ZC3HAV1: variants seen among roughly 807,000 people sequenced by gnomAD.
The protein encoded by ZC3HAV1 is zinc finger CCCH-type containing, antiviral 1.
Under a neutral mutation model 86.6 loss-of-function variants are expected in ZC3HAV1, and 41 were observed. The ratio of observed to expected loss-of-function variants is 0.47; its 90% CI spans 0.37 to 0.61. ZC3HAV1 has a LOEUF of 0.61. Among genes scored for constraint, ZC3HAV1 ranks in the 20% least tolerant of loss-of-function variants. The pLI is 0.00. For missense variants in ZC3HAV1, 964 were observed against 1,141.1 expected (o/e 0.84, Z 2.24); for synonymous variants, 421 against 432.1 (o/e 0.97, Z 0.32).
At position 139,046,943 on chromosome 7, in the gene ZC3HAV1, T is replaced by A. The variant is rs1815971249; in HGVS notation, c.*651A>T. On this transcript the variant is annotated 3_prime_UTR_variant, in exon 13 of 13. Transcript: ENST00000242351. ...GACAGGAGAGAAAGGTTGCTGCAATTACAGAAAATTTAGAAATCAGCCTTT... is the reference window on the plus strand; with the variant it reads ...GACAGGAGAGAAAGGTTGCTGCAATAACAGAAAATTTAGAAATCAGCCTTT... The A allele has an allele frequency of 6.6e-6, 1 of 152,168 alleles. No individual in the cohort carries two copies. Among genetic ancestry groups the A allele is most frequent in the Non-Finnish European group, 1.5e-5 (1 of 68,054 alleles). The allele number at this position is 152,168 out of a possible 1,614,324, so 9.4% of individuals were successfully genotyped here.
intron 7 of ZC3HAV1, among the ~76,000 whole-genome samples, chr7:139,066,122 A>C (rs1206705173): frequency 6.6e-6 from 1 of 152,130 alleles, no homozygotes; most frequent in Non-Finnish European, 1.5e-5. Flanking sequence ...GTACGCCCCT[A>C]GCAGCAGGGG....
intron 1 of ZC3HAV1, among the ~76,000 whole-genome samples, chr7:139,103,612 A>G (rs1201354543): frequency 3.9e-5 from 6 of 152,134 alleles, no homozygotes; most frequent in African/African-American, 1.4e-4. Flanking sequence ...ATTCAAACCA[A>G]CAATTCCACT....
At chr7:139,097,411 TATATATATATATA>T (rs1817623126) in intron 1 of ZC3HAV1, among the ~76,000 whole-genome samples, 1 of 79,462 alleles carries the variant, frequency 1.3e-5, no homozygotes. Flanking sequence ...CATATATATA[TATATATATATATA>T]TATATTTTTT....
At chr7:139,060,673 TAAAAAAAAAAA>T (rs35979655) in intron 9 of ZC3HAV1, 4 of 936,314 alleles carry the variant, frequency 4.3e-6, no homozygotes, top group Middle Eastern at 5.3e-4. Flanking sequence ...AGACCCCCTC[TAAAAAAAAAAA>T]AAAAAAAAAG....
intron 2 of ZC3HAV1, among the ~76,000 whole-genome samples, chr7:139,087,242 G>A (rs971511146): frequency 6.6e-6 from 1 of 152,194 alleles, no homozygotes; most frequent in African/African-American, 2.4e-5. Context: ...GCTTTAACGG[G>A]AATGATGTGT....
intron 12 of ZC3HAV1, among the ~76,000 whole-genome samples, chr7:139,050,183 G>T (rs1449250641): frequency 2.6e-5 from 4 of 152,128 alleles, no homozygotes; most frequent in African/African-American, 7.2e-5. Context: ...TGTTCACTTT[G>T]TTAATTGTTT....
At position 139,069,324 on chromosome 7, in the gene ZC3HAV1, C is replaced by T. The variant is rs554839344; in HGVS notation, c.1873-4325G>A. Among the ~76,000 whole-genome samples the T allele has an allele frequency of 3.9e-5, 6 of 152,296 alleles. No homozygotes were observed. The East Asian group carries it at 1.2e-3, about 29-fold the overall frequency. On this transcript the variant is annotated intron_variant, in intron 7 of 12. Transcript: ENST00000242351. ...AAGACTTGAATTTATGTTTCAGTTGCAGTAAACAGGTCTTAGCTTTTATCC... is the reference window on the plus strand; with the variant it reads ...AAGACTTGAATTTATGTTTCAGTTGTAGTAAACAGGTCTTAGCTTTTATCC...
At chr7:139,080,657 C>T (rs1388064333) in intron 3 of ZC3HAV1, among the ~76,000 whole-genome samples, 2 of 152,150 alleles carry the variant, frequency 1.3e-5, no homozygotes, top group Non-Finnish European at 2.9e-5. Flanking sequence ...CCTAGGATGA[C>T]AGTGAGGATC....
At chr7:139,070,705 G>A (rs983600541) in intron 7 of ZC3HAV1, among the ~76,000 whole-genome samples, 2 of 150,742 alleles carry the variant, frequency 1.3e-5, no homozygotes, top group Non-Finnish European at 2.9e-5. Flanking sequence ...GCTGGGTTGG[G>A]TGCGGTGGCT....
chr7:139,047,373 C>A lies in ZC3HAV1; in HGVS notation c.*221G>T. 1.8e-6 allele frequency: 1 copy of A among 542,884 alleles called. No homozygotes were observed. The highest frequency in any genetic ancestry group is 3.9e-5 in the Admixed American group (1 of 25,496). 33.6% of individuals were successfully genotyped at this position (542,884 alleles called of 1,614,324 possible). ...AAAATACAACTGCCTGGCGCTGACGCCCAGAAATGATTTCATTGGCATGGG... is the reference window on the plus strand; with the variant it reads ...AAAATACAACTGCCTGGCGCTGACGACCAGAAATGATTTCATTGGCATGGG... On this transcript the variant is annotated 3_prime_UTR_variant, in exon 13 of 13. Transcript: ENST00000242351.
intron 12 of ZC3HAV1, among the ~76,000 whole-genome samples, chr7:139,052,008 A>C (rs1240922230): frequency 2.6e-5 from 4 of 152,002 alleles, no homozygotes; most frequent in Non-Finnish European, 5.9e-5. Flanking sequence ...TTATTTATGA[A>C]GTTAATTCCC....
Position 139,097,415 on chromosome 7 carries a change from TATA to T in ZC3HAV1, c.309-7659_309-7657del, listed in dbSNP as rs1563140592. Among the ~76,000 whole-genome samples the T allele has an allele frequency of 4.2e-4, 34 of 80,012 alleles. 1 individual carries two copies. Among genetic ancestry groups the T allele is most frequent in the South Asian group, 1.0e-3 (2 of 1,908 alleles). 52.5% of individuals were successfully genotyped at this position (80,012 alleles called of 152,430 possible). A position where few individuals can be genotyped will look rare whatever the true frequency, so the allele number is the denominator to read the frequency against. ...TATTGGAACTCCATATATATATATA[TATA>T]TATATATATATTTTTTTTTTTTTTT... On this transcript the variant is annotated intron_variant, in intron 1 of 12. Coordinates refer to ENST00000242351, the MANE Select transcript of ZC3HAV1 (RefSeq NM_020119.4).
Position 139,080,215 on chromosome 7 carries a change from T to A in ZC3HAV1, c.726A>T (p.Ala242=). The A allele has an allele frequency of 6.2e-7, 1 of 1,614,108 alleles. No homozygotes were observed. Among genetic ancestry groups the A allele is most frequent in the Non-Finnish European group, 8.5e-7 (1 of 1,180,022 alleles). The change falls in exon 4 of 13, where the codon GCA becomes GCT. Residue 242 remains alanine, a synonymous_variant. Coordinates refer to ENST00000242351, the MANE Select transcript of ZC3HAV1 (RefSeq NM_020119.4). The stretch of plus-strand genomic sequence containing the variant: ...CTCTACTCTTGCTTCTAGCCCTATA[T>A]GCCATGTTTCTACGATGTGAAGAAG... The part of the protein sequence containing the change: ...RAPSSHRRNM[A]YRARSKSRDR...
intron 7 of ZC3HAV1, among the ~76,000 whole-genome samples, chr7:139,071,648 T>C (rs1003985158): frequency 6.6e-6 from 1 of 152,102 alleles, no homozygotes; most frequent in Non-Finnish European, 1.5e-5. Context: ...ATATCATAGG[T>C]GTTTTCACAC....
At chr7:139,053,299 T>C (rs1563123155) in intron 12 of ZC3HAV1, 152 bp downstream of exon 12, 1 of 860,762 alleles carries the variant, frequency 1.2e-6, no homozygotes, top group South Asian at 3.6e-5. Flanking sequence ...ATTTGGGCAT[T>C]TGATATTACC....
chr7:139,052,266 C>T (rs1249437570), intron 12 of ZC3HAV1, among the ~76,000 whole-genome samples: 2 of 135,018 alleles, frequency 1.5e-5, no homozygotes, highest in East Asian at 4.6e-4. Flanking sequence ...TCTCCTAATG[C>T]TATCCCTCCC....
At chr7:139,049,010 TGGTGGTTTAC>T in intron 12 of ZC3HAV1, among the ~76,000 whole-genome samples, 1 of 152,344 alleles carries the variant, frequency 6.6e-6, no homozygotes, top group East Asian at 1.9e-4. Context: ...TGGTGGTTTA[TGGTGGTTTAC>T]TTGTTCATAA....
In ZC3HAV1 at chr7:139,079,779, G is replaced by A; in HGVS notation, c.1162C>T (p.Leu388Phe). The A allele has an allele frequency of 1.2e-6, 2 of 1,614,168 alleles. No individual in the cohort carries two copies. The highest frequency in any genetic ancestry group is 1.7e-6 in the Non-Finnish European group (2 of 1,180,050). ...GCTTCAGGTGTTTGCAGAGAGCCAA[G>A]AGAAGAGCGGGCGGCAGGTAGCGTG... ...SPTLPAARSS[L>F]GSLQTPEAVT... is the part of the protein sequence containing the mutation. The change falls in exon 4 of 13, where the codon CTT becomes TTT. Residue 388 changes from leucine to phenylalanine, a missense_variant. Physicochemically the swap from Leu to Phe is conservative, Grantham distance 22. Coordinates refer to ENST00000242351, the MANE Select transcript of ZC3HAV1 (RefSeq NM_020119.4).
chr7:139,092,797 CT>C (rs1253565580), intron 1 of ZC3HAV1, among the ~76,000 whole-genome samples: 1 of 152,254 alleles, frequency 6.6e-6, no homozygotes. Context: ...CATCTCCATC[CT>C]CAGGCAAACT....
Sources: allele counts gnomAD v4.1 joint callset (sites outside exome capture counted in the v4.1 genomes callset), GRCh38; gene constraint gnomAD v4.1.1; transcripts MANE v1.5; gene names NCBI Gene and HGNC (gene_info 2026-07-23, HGNC 2026-07-21).